MYO16: variants seen among roughly 807,000 people sequenced by gnomAD.
The protein encoded by MYO16 is unconventional myosin-XVI.
In MYO16, 94 loss-of-function variants were observed where a neutral mutation model predicts 205.3. That is an observed-to-expected ratio of 0.46 (90% confidence interval 0.39 to 0.54). The LOEUF (loss-of-function observed/expected upper bound fraction) is 0.54. Ranked by LOEUF, MYO16 falls within the 20% of genes least tolerant of loss-of-function variation. The probability of loss-of-function intolerance (pLI) is 0.00; values close to 1 mark genes in which losing one functional copy is unlikely to be tolerated. For synonymous variants in MYO16, 988 were observed against 954.0 expected, an observed-to-expected ratio of 1.04 and a Z score of -0.66; for missense variants, 2,315 against 2,387.5, an observed-to-expected ratio of 0.97 and a Z score of 0.63.
intron 21 of MYO16, among the ~76,000 whole-genome samples, chr13:108,999,116 G>T (rs1363051274): frequency 6.6e-6 from 1 of 152,152 alleles, no homozygotes; most frequent in African/African-American, 2.4e-5. Context: ...GGTAATGGTT[G>T]CTATATTAGT....
At chr13:108,853,954 T>TTGTGTGTGTG (rs5806760) in intron 10 of MYO16, among the ~76,000 whole-genome samples, 70,010 of 138,178 alleles carry the variant, frequency 0.51, 19,425 homozygotes, top group Non-Finnish European at 0.64. Context: ...GTTTCTATTA[T>TTGTGTGTGTG]TGTGTGTGTG....
chr13:108,794,331 T>G (rs196133), intron 6 of MYO16, among the ~76,000 whole-genome samples: 151,448 of 152,348 alleles, frequency 0.99, 75,281 homozygotes, highest in Middle Eastern at 1. Context: ...TAAAATAAAA[T>G]TTGGAAGGAA....
At chr13:108,803,052 G>A (rs138170054) in intron 6 of MYO16, among the ~76,000 whole-genome samples, 6 of 152,246 alleles carry the variant, frequency 3.9e-5, no homozygotes, top group African/African-American at 1.2e-4. Context: ...AGTATCTTTA[G>A]TGTCTTTTTA....
intron 16 of MYO16, among the ~76,000 whole-genome samples, chr13:108,921,181 C>G (rs1881731274): frequency 1.3e-5 from 2 of 152,312 alleles, no homozygotes; most frequent in Admixed American, 1.3e-4. Flanking sequence ...AGTCTCTTCC[C>G]ACCTCATAGG....
chr13:108,869,347 T>C (rs1394556906), intron 12 of MYO16, among the ~76,000 whole-genome samples: 6 of 152,154 alleles, frequency 3.9e-5, no homozygotes, highest in African/African-American at 1.4e-4. Context: ...TCATTAAATG[T>C]TTTTAAATGC....
intron 4 of MYO16, among the ~76,000 whole-genome samples, chr13:108,756,364 A>G (rs117655229): frequency 0.017 from 2,537 of 152,250 alleles, 35 homozygotes; most frequent in Non-Finnish European, 0.024. Flanking sequence ...ATCCAACACA[A>G]ATGTGGGCAA....
At chr13:108,753,383 A>AAACAAAAAAAAAC (rs1885313473) in intron 4 of MYO16, among the ~76,000 whole-genome samples, 2 of 147,726 alleles carry the variant, frequency 1.4e-5, no homozygotes, top group African/African-American at 5.3e-5. Context: ...AAAAAAAAAA[A>AAACAAAAAAAAAC]AAAAAAAAAA....
At chr13:108,664,459 C>A (rs1881637590) in intron 1 of MYO16, among the ~76,000 whole-genome samples, 1 of 152,136 alleles carries the variant, frequency 6.6e-6, no homozygotes, top group Non-Finnish European at 1.5e-5. Flanking sequence ...TGCTGGTGCA[C>A]CTGGCGGCTG....
intron 28 of MYO16, among the ~76,000 whole-genome samples, chr13:109,113,684 T>C (rs181249046): frequency 2.4e-4 from 37 of 151,978 alleles, no homozygotes; most frequent in African/African-American, 8.9e-4. Flanking sequence ...ATGCTTGGGG[T>C]TCTGGCTTGG....
intron 23 of MYO16, among the ~76,000 whole-genome samples, chr13:109,025,117 G>T (rs1461287364): frequency 6.6e-6 from 1 of 152,130 alleles, no homozygotes; most frequent in Non-Finnish European, 1.5e-5. Flanking sequence ...CGATGGGGTA[G>T]AATGTATCTC....
At chr13:109,074,180 C>T (rs773379530) in intron 27 of MYO16, among the ~76,000 whole-genome samples, 11 of 152,256 alleles carry the variant, frequency 7.2e-5, no homozygotes, top group Middle Eastern at 3.4e-3. Context: ...TGTGTTTTTA[C>T]ATAAACATAC....
intron 24 of MYO16, among the ~76,000 whole-genome samples, chr13:109,051,913 T>G (rs541637688): frequency 6.6e-6 from 1 of 152,230 alleles, no homozygotes; most frequent in South Asian, 2.1e-4. Flanking sequence ...AACATTTTCC[T>G]GAGTAGTTAT....
chr13:108,604,690 C>T (rs80010029), intron 1 of MYO16, among the ~76,000 whole-genome samples: 1,834 of 152,240 alleles, frequency 0.012, 43 homozygotes, highest in South Asian at 0.087. Flanking sequence ...TAATCCTTGA[C>T]TTTTTTTATT....
intron 16 of MYO16, among the ~76,000 whole-genome samples, chr13:108,922,897 T>G (rs1054328691): frequency 1.7e-4 from 26 of 152,266 alleles, no homozygotes; most frequent in Non-Finnish European, 3.8e-4. Flanking sequence ...ACGAAAACCT[T>G]GACATATGTT....
At chr13:108,832,271 TAGCTGGGATTATAGGTGTGC>T (rs1460070052) in intron 9 of MYO16, among the ~76,000 whole-genome samples, 1 of 151,664 alleles carries the variant, frequency 6.6e-6, no homozygotes, top group Non-Finnish European at 1.5e-5. Flanking sequence ...GCCTCTTGAG[TAGCTGGGATTATAGGTGTGC>T]ACCACCGTGC....
intron 7 of MYO16, among the ~76,000 whole-genome samples, chr13:108,810,078 G>T (rs1887239810): frequency 6.6e-6 from 1 of 152,144 alleles, no homozygotes; most frequent in African/African-American, 2.4e-5. Context: ...TTACTCAAAG[G>T]TTTCCAGAAA....
intron 20 of MYO16, among the ~76,000 whole-genome samples, chr13:108,990,370 G>A (rs1427037897): frequency 6.6e-6 from 1 of 152,066 alleles, no homozygotes; most frequent in Non-Finnish European, 1.5e-5. Context: ...TGATCAAAAC[G>A]AATGACACAA....
intron 2 of MYO16, among the ~76,000 whole-genome samples, chr13:108,666,376 G>A (rs1376944604): frequency 2.0e-5 from 3 of 150,758 alleles, no homozygotes; most frequent in Non-Finnish European, 4.4e-5. Context: ...AAATTGTGGT[G>A]AGATTGTATT....
At chr13:108,982,485 T>TA (rs954504650) in intron 20 of MYO16, among the ~76,000 whole-genome samples, 8 of 152,010 alleles carry the variant, frequency 5.3e-5, no homozygotes, top group Non-Finnish European at 1.0e-4. Flanking sequence ...CATAATAAGT[T>TA]AAAAAAAAGT....
Sources: allele counts gnomAD v4.1 joint callset (sites outside exome capture counted in the v4.1 genomes callset), GRCh38; gene constraint gnomAD v4.1.1; transcripts MANE v1.5; gene names NCBI Gene and HGNC (gene_info 2026-07-23, HGNC 2026-07-21).